Variants in SAMD12 observed in about 807,000 individuals in gnomAD.
SAMD12 encodes sterile alpha motif domain-containing protein 12.
SAMD12 carries 9 observed loss-of-function variants against 15.0 expected under a neutral mutation model. That is an observed-to-expected ratio of 0.60 (90% CI 0.36 to 1.05). SAMD12 has a LOEUF of 1.05. Among genes scored for constraint, SAMD12 ranks in the 50% least tolerant of loss-of-function variants. The pLI is 0.01. For missense variants in SAMD12, 230 were observed against 234.2 expected (o/e 0.98, Z 0.12); for synonymous variants, 86 against 90.1 (o/e 0.96, Z 0.25).
In SAMD12 at chr8:118,410,240, C is replaced by A. The variant is rs111554820; in HGVS notation, c.322+29592G>T. ...AACAAATGAAAATGCATGAAAGAGA[C>A]TGTAGAAAATGAAGGTTGAAAGGGA... On this transcript the variant is annotated intron_variant, in intron 3 of 3. Transcript: ENST00000314727. 9.9e-3 allele frequency among the ~76,000 whole-genome samples: 1,504 copies of A among 152,184 alleles called. 30 individuals are homozygous for A. The highest frequency in any genetic ancestry group is 0.034 in the African/African-American group (1,408 of 41,504).
intron 3 of SAMD12, among the ~76,000 whole-genome samples, chr8:118,408,760 C>T (rs4876826): frequency 0.34 from 52,245 of 151,978 alleles, 9,649 homozygotes; most frequent in African/African-American, 0.41. Flanking sequence ...AAAGCCTCTG[C>T]GTCAGAATTT....
intron 2 of SAMD12, among the ~76,000 whole-genome samples, chr8:118,536,911 T>C (rs983649060): frequency 1.3e-5 from 2 of 152,242 alleles, no homozygotes; most frequent in Non-Finnish European, 2.9e-5. Context: ...TGTCCTTTTC[T>C]TTCAGATTAA....
At chr8:118,477,573 T>C (rs953031509) in intron 2 of SAMD12, among the ~76,000 whole-genome samples, 2 of 152,234 alleles carry the variant, frequency 1.3e-5, no homozygotes, top group African/African-American at 4.8e-5. Flanking sequence ...TTTCTAATCA[T>C]TTGAATTTAT....
chr8:118,208,703 C>T (rs1819935806), intron 4 of SAMD12, among the ~76,000 whole-genome samples: 1 of 152,166 alleles, frequency 6.6e-6, no homozygotes, highest in Non-Finnish European at 1.5e-5. Context: ...TATTTAATTC[C>T]AATTCATTTA....
At chr8:118,552,328 C>T (rs1444842763) in intron 2 of SAMD12, among the ~76,000 whole-genome samples, 1 of 152,084 alleles carries the variant, frequency 6.6e-6, no homozygotes, top group Admixed American at 6.6e-5. Context: ...GCTTATCCAC[C>T]ATGATCAAGT....
chr8:118,541,103 G>A (rs1200631575), intron 2 of SAMD12, among the ~76,000 whole-genome samples: 4 of 152,130 alleles, frequency 2.6e-5, no homozygotes, highest in Admixed American at 1.3e-4. Flanking sequence ...GGTATGTTTC[G>A]GTACTATATT....
chr8:118,249,629 A>G (rs1395322674), intron 4 of SAMD12, among the ~76,000 whole-genome samples: 1 of 152,116 alleles, frequency 6.6e-6, no homozygotes, highest in East Asian at 1.9e-4. Context: ...GTATCTTCTA[A>G]AAGATTTTGT....
At chr8:118,488,298 T>C (rs1156946045) in intron 2 of SAMD12, among the ~76,000 whole-genome samples, 8 of 152,152 alleles carry the variant, frequency 5.3e-5, no homozygotes, top group East Asian at 1.9e-4. Context: ...GTATGTCTAA[T>C]GGAAATACTG....
chr8:118,184,995 T>C (rs1021306530), downstream of SAMD12, among the ~76,000 whole-genome samples: 1 of 151,898 alleles, frequency 6.6e-6, no homozygotes, highest in Non-Finnish European at 1.5e-5. Context: ...GCTTAACCAA[T>C]AAAAAAATCA....
chr8:118,138,916 C>T, the SAMD12 span, among the ~76,000 whole-genome samples: 3 of 152,128 alleles, frequency 2.0e-5, no homozygotes, highest in Non-Finnish European at 2.9e-5. Flanking sequence ...CAGCCAATAC[C>T]GACACTAAGG....
the SAMD12 span, among the ~76,000 whole-genome samples, chr8:118,164,064 A>G: frequency 6.6e-6 from 1 of 152,150 alleles, no homozygotes; most frequent in Non-Finnish European, 1.5e-5. Flanking sequence ...TGTAAGAGGA[A>G]GAAGAGGAGG....
chr8:118,211,931 G>A (rs1053982311), intron 4 of SAMD12, among the ~76,000 whole-genome samples: 1 of 152,080 alleles, frequency 6.6e-6, no homozygotes. Context: ...AACCAGTGTG[G>A]GATAAGGAAG....
chr8:118,405,643 T>C (rs1049473243), intron 3 of SAMD12, among the ~76,000 whole-genome samples: 1 of 151,856 alleles, frequency 6.6e-6, no homozygotes, highest in Non-Finnish European at 1.5e-5. Context: ...AAGATTTGTA[T>C]ACTTTACTAT....
At chr8:118,237,921 A>T (rs1380218472) in intron 4 of SAMD12, among the ~76,000 whole-genome samples, 1 of 152,092 alleles carries the variant, frequency 6.6e-6, no homozygotes, top group Non-Finnish European at 1.5e-5. Context: ...GCCTTTCTCA[A>T]ACTGTATCAG....
At chr8:118,329,597 T>C (rs1016075020) in intron 4 of SAMD12, among the ~76,000 whole-genome samples, 1 of 152,042 alleles carries the variant, frequency 6.6e-6, no homozygotes, top group African/African-American at 2.4e-5. Context: ...CATTATCCAC[T>C]TGAAAACAAA....
At chr8:118,294,893 G>A (rs1416638756) in intron 4 of SAMD12, among the ~76,000 whole-genome samples, 1 of 152,016 alleles carries the variant, frequency 6.6e-6, no homozygotes, top group African/African-American at 2.4e-5. Context: ...AGGAAGACTG[G>A]GATGTATTTT....
chr8:118,515,020 G>C (rs999263338), intron 2 of SAMD12, among the ~76,000 whole-genome samples: 3 of 151,558 alleles, frequency 2.0e-5, no homozygotes, highest in Admixed American at 2.0e-4. Context: ...TTGTTTGTTT[G>C]TTTGTTTGTT....
At chr8:118,179,597 CT>C in the SAMD12 span, among the ~76,000 whole-genome samples, 1 of 152,104 alleles carries the variant, frequency 6.6e-6, no homozygotes, top group Non-Finnish European at 1.5e-5. Context: ...GGAAAACTTC[CT>C]TTTCTCTTTC....
In SAMD12 at chr8:118,458,342, C is replaced by T. The variant is rs550285046; in HGVS notation, c.193-18381G>A. Reference sequence around the variant, plus strand: ...TCTGTCTTTGCATGCACATTATTTTCCATTTCTATTCTGGGGTCTAATTTT... The same window carrying T: ...TCTGTCTTTGCATGCACATTATTTTTCATTTCTATTCTGGGGTCTAATTTT... On this transcript the variant is annotated intron_variant, in intron 2 of 3. Transcript: ENST00000314727. 5.3e-5 allele frequency among the ~76,000 whole-genome samples: 8 copies of T among 152,234 alleles called. No homozygotes were observed. The South Asian group carries it at 1.7e-3, about 32-fold the overall frequency.
Sources: allele counts gnomAD v4.1 joint callset (sites outside exome capture counted in the v4.1 genomes callset), GRCh38; gene constraint gnomAD v4.1.1; transcripts MANE v1.5; gene names NCBI Gene and HGNC (gene_info 2026-07-23, HGNC 2026-07-21).